HMGB1: variants seen among roughly 807,000 people sequenced by gnomAD.
The protein encoded by HMGB1 is high mobility group box 1, also known as high mobility group protein B1.
For missense variants in HMGB1, 79 were observed against 253.5 expected (o/e 0.31, Z 4.67); for synonymous variants, 81 against 84.0 (o/e 0.96, Z 0.19).
chr13:30,509,414 T>A (rs1421372503), intron 1 of HMGB1, among the ~76,000 whole-genome samples: 1 of 152,098 alleles, frequency 6.6e-6, no homozygotes, highest in Non-Finnish European at 1.5e-5. Flanking sequence ...AATTTTTGTA[T>A]TTTTAGTTGA....
chr13:30,570,063 C>T (rs972749493), intron 1 of HMGB1, among the ~76,000 whole-genome samples: 2 of 152,132 alleles, frequency 1.3e-5, no homozygotes, highest in African/African-American at 2.4e-5. Flanking sequence ...GGGTCAACAG[C>T]GATTTCTTTG....
chr13:30,497,615 C>T (rs970383939), intron 1 of HMGB1, among the ~76,000 whole-genome samples: 1 of 152,068 alleles, frequency 6.6e-6, no homozygotes, highest in Admixed American at 6.6e-5. Flanking sequence ...CAGCCTCCAC[C>T]CTCAAGTAGG....
At chr13:30,610,238 T>A (rs1950501424) in intron 1 of HMGB1, among the ~76,000 whole-genome samples, 13 of 152,200 alleles carry the variant, frequency 8.5e-5, no homozygotes, top group Admixed American at 8.5e-4. Context: ...TTTTGGGCAG[T>A]CAAAAGCATG....
At chr13:30,536,773 T>A (rs758854418) in intron 1 of HMGB1, among the ~76,000 whole-genome samples, 8 of 152,246 alleles carry the variant, frequency 5.3e-5, no homozygotes, top group Non-Finnish European at 8.8e-5. Context: ...ATTATCTTTT[T>A]TGTTTCCATT....
At chr13:30,486,484 T>G (rs1270415708) in intron 1 of HMGB1, among the ~76,000 whole-genome samples, 1 of 152,236 alleles carries the variant, frequency 6.6e-6, no homozygotes, top group Non-Finnish European at 1.5e-5. Context: ...GAAAATCTAC[T>G]GCTGCCACAG....
At chr13:30,568,225 G>C (rs975217918) in intron 1 of HMGB1, among the ~76,000 whole-genome samples, 1 of 152,124 alleles carries the variant, frequency 6.6e-6, no homozygotes, top group Non-Finnish European at 1.5e-5. Context: ...GGAAAAATGG[G>C]GCCAGGTGCA....
intron 1 of HMGB1, among the ~76,000 whole-genome samples, chr13:30,565,357 A>G (rs1315773860): frequency 6.6e-6 from 1 of 152,196 alleles, no homozygotes; most frequent in Non-Finnish European, 1.5e-5. Flanking sequence ...GGGGAATGCT[A>G]TAATTTTGGA....
At chr13:30,574,547 T>C (rs557052658) in intron 1 of HMGB1, among the ~76,000 whole-genome samples, 3 of 152,322 alleles carry the variant, frequency 2.0e-5, no homozygotes, top group Admixed American at 6.5e-5. Context: ...TCAACTTTCA[T>C]TGAGAATATG....
At chr13:30,608,988 G>A (rs957544870) in intron 1 of HMGB1, among the ~76,000 whole-genome samples, 4 of 152,218 alleles carry the variant, frequency 2.6e-5, no homozygotes, top group South Asian at 4.1e-4. Flanking sequence ...GAGGCCGGGC[G>A]CGGCGGCTCA....
intron 1 of HMGB1, among the ~76,000 whole-genome samples, chr13:30,546,347 C>T (rs1040320200): frequency 6.6e-6 from 1 of 152,170 alleles, no homozygotes; most frequent in Non-Finnish European, 1.5e-5. Flanking sequence ...GTCTCCTGAC[C>T]TCGTGATCTG....
chr13:30,617,379 G>C (rs1212599659), exon 1 of HMGB1: 1 of 152,174 alleles, frequency 6.6e-6, no homozygotes, highest in Non-Finnish European at 1.5e-5. Flanking sequence ...CTCCACCGAG[G>C]CTTTGGGAGA....
At chr13:30,498,956 GTTTT>G (rs56376029) in intron 1 of HMGB1, among the ~76,000 whole-genome samples, 1 of 140,938 alleles carries the variant, frequency 7.1e-6, no homozygotes, top group Non-Finnish European at 1.5e-5. Context: ...CCTCTTTTTT[GTTTT>G]TTTTTTTTTT....
intron 1 of HMGB1, among the ~76,000 whole-genome samples, chr13:30,605,080 T>C (rs1593341453): frequency 6.6e-6 from 1 of 152,198 alleles, no homozygotes; most frequent in African/African-American, 2.4e-5. Flanking sequence ...ACGTTCCTCA[T>C]ACGGAGATGA....
chr13:30,558,102 A>G (rs1220519747), intron 1 of HMGB1, among the ~76,000 whole-genome samples: 2 of 152,190 alleles, frequency 1.3e-5, no homozygotes, highest in Non-Finnish European at 2.9e-5. Flanking sequence ...ATTAAAAAAA[A>G]AAGGATAATG....
intron 1 of HMGB1, among the ~76,000 whole-genome samples, chr13:30,548,427 A>G (rs1869269540): frequency 6.6e-6 from 1 of 152,230 alleles, no homozygotes; most frequent in Non-Finnish European, 1.5e-5. Context: ...AGTCTTGGGT[A>G]TATCTTTATT....
In HMGB1 at chr13:30,538,730, TTTTC is replaced by T. The variant is rs1193206805; in HGVS notation, c.-14-75040_-14-75037del. Reference sequence around the variant, plus strand: ...TTCTTTCTTTCTTCTTTTTCTTTCTTTTTCTTTCTTTCTTCTTTTTCTTTCTTTC... The same window carrying T: ...TTCTTTCTTTCTTCTTTTTCTTTCTTTTTCTTTCTTCTTTTTCTTTCTTTC... On this transcript the variant is annotated intron_variant, in intron 1 of 4. Transcript: ENST00000405805. Among the ~76,000 whole-genome samples, 36 of 147,838 alleles carry T rather than the reference TTTTC, an allele frequency of 2.4e-4. 1 individual carries two copies. The highest frequency in any genetic ancestry group is 3.4e-4 in the Admixed American group (5 of 14,802).
intron 1 of HMGB1, among the ~76,000 whole-genome samples, chr13:30,481,426 A>C (rs1887225764): frequency 6.6e-6 from 1 of 152,388 alleles, no homozygotes; most frequent in African/African-American, 2.4e-5. Flanking sequence ...GATTGCAAGC[A>C]CTAACCGCTA....
At chr13:30,507,204 C>G (rs150193975) in intron 1 of HMGB1, among the ~76,000 whole-genome samples, 342 of 152,308 alleles carry the variant, frequency 2.2e-3, no homozygotes, top group African/African-American at 7.8e-3. Flanking sequence ...TCCCTGTTGC[C>G]TGGAATTCCA....
chr13:30,502,613 T>A (rs4415869), intron 1 of HMGB1, among the ~76,000 whole-genome samples: 131,260 of 152,074 alleles, frequency 0.86, 59,985 homozygotes, highest in East Asian at 1. Flanking sequence ...GTTGCATTAT[T>A]ATCTAGGTAT....
Sources: gnomAD v4.1 joint callset for allele counts (sites outside exome capture counted in the v4.1 genomes callset) on GRCh38, gnomAD v4.1.1 for gene constraint, MANE v1.5 for transcripts, NCBI Gene and HGNC (gene_info 2026-07-23, HGNC 2026-07-21) for gene names.